Variants in XRCC5 observed in about 807,000 individuals in gnomAD.
XRCC5 encodes the protein X-ray repair cross complementing 5.
A neutral mutation model predicts 95.7 loss-of-function variants in XRCC5; 12 were observed. That is an observed-to-expected ratio of 0.13 (90% confidence interval 0.08 to 0.20). The LOEUF is 0.20. Among genes scored for constraint, XRCC5 ranks in the 10% least tolerant of loss-of-function variants. The pLI is 1.00. For missense variants in XRCC5, 595 were observed against 873.9 expected (o/e 0.68, Z 4.02); for synonymous variants, 281 against 290.3 (o/e 0.97, Z 0.33).
At chr2:216,115,090 A>T (rs1198162124) in intron 2 of XRCC5, among the ~76,000 whole-genome samples, 1 of 152,058 alleles carries the variant, frequency 6.6e-6, no homozygotes, top group Admixed American at 6.5e-5. Flanking sequence ...TTCCAAGTGT[A>T]CTCTGCTTTC....
intron 16 of XRCC5, among the ~76,000 whole-genome samples, chr2:216,183,928 C>T (rs1689439788): frequency 6.6e-6 from 1 of 151,910 alleles, no homozygotes; most frequent in Admixed American, 6.6e-5. Flanking sequence ...CATTAAAGAC[C>T]ATGCAACTAG....
At position 216,152,623 on chromosome 2, in the gene XRCC5, C is replaced by T. The variant is rs572264963; in HGVS notation, c.1670+4347C>T. On this transcript the variant is annotated intron_variant, in intron 14 of 20. Transcript: ENST00000392132. ...TCCTGCCTAAAGTGAATTCCTTTAC[C>T]TGTGCCCTGGATCCTTTTTTTTCTT... Among the ~76,000 whole-genome samples the T allele has an allele frequency of 5.5e-4, 83 of 151,452 alleles. 1 individual carries two copies. Among genetic ancestry groups the T allele is most frequent in the Middle Eastern group, 3.4e-3 (1 of 290 alleles).
intron 19 of XRCC5, among the ~76,000 whole-genome samples, chr2:216,197,818 C>CT (rs41296787): frequency 0.12 from 17,853 of 152,154 alleles, 1,213 homozygotes; most frequent in South Asian, 0.28. Flanking sequence ...ATGCCATTTC[C>CT]TTTTTTTCCC....
intron 9 of XRCC5, chr2:216,131,298 C>A: frequency 1.0e-6 from 1 of 978,866 alleles, no homozygotes; most frequent in Non-Finnish European, 1.2e-6. Context: ...GTTCAGTCTT[C>A]TTGAGCTGGT....
rs1288032864 is a variant in XRCC5 at position 216,146,991 on chromosome 2, TAAAC to T, written c.1477-1089_1477-1086del. Reference sequence around the variant, plus strand: ...ACTTGTAAGGAGGAGGGTTAGATAATAAACAAGTAAACTAAAAAATTGATAATTT... The same window carrying T: ...ACTTGTAAGGAGGAGGGTTAGATAATAAGTAAACTAAAAAATTGATAATTT... On this transcript the variant is annotated intron_variant, in intron 13 of 20. Coordinates refer to ENST00000392132, the MANE Select transcript of XRCC5 (RefSeq NM_021141.4). Among the ~76,000 whole-genome samples, 5 of 151,998 alleles carry T rather than the reference TAAAC, an allele frequency of 3.3e-5. No individual in the cohort carries two copies. In the East Asian group the frequency reaches 5.8e-4, roughly 18 times the overall value.
At chr2:216,117,133 A>G (rs1696712012) in intron 3 of XRCC5, 1 of 355,334 alleles carries the variant, frequency 2.8e-6, no homozygotes, top group South Asian at 5.6e-5. Context: ...AGCATTGACT[A>G]TATGCAGAGG....
At chr2:216,202,949 A>C (rs1689867371) in intron 19 of XRCC5, among the ~76,000 whole-genome samples, 1 of 152,170 alleles carries the variant, frequency 6.6e-6, no homozygotes, top group Admixed American at 6.5e-5. Context: ...GCAGCCTCAT[A>C]TTTCATGGTT....
chr2:216,178,013 T>C (rs1689310049), intron 16 of XRCC5, among the ~76,000 whole-genome samples: 1 of 152,152 alleles, frequency 6.6e-6, no homozygotes, highest in Admixed American at 6.5e-5. Context: ...TCTAAGGGCC[T>C]TTTTCACCAC....
chr2:216,195,436 T>A (rs1689701866), intron 19 of XRCC5, among the ~76,000 whole-genome samples: 1 of 147,974 alleles, frequency 6.8e-6, no homozygotes, highest in African/African-American at 2.5e-5. Context: ...TTTTTTTTTT[T>A]TGTTAATACT....
chr2:216,181,659 G>T (rs1040856561), intron 16 of XRCC5, among the ~76,000 whole-genome samples: 2 of 152,208 alleles, frequency 1.3e-5, no homozygotes, highest in Non-Finnish European at 2.9e-5. Context: ...TGACTCATTA[G>T]ATACTGCTGC....
intron 2 of XRCC5, among the ~76,000 whole-genome samples, chr2:216,115,104 A>G (rs939076538): frequency 6.6e-6 from 1 of 152,196 alleles, no homozygotes; most frequent in Non-Finnish European, 1.5e-5. Flanking sequence ...TGCTTTCTCC[A>G]GTAAACTCTC....
intron 19 of XRCC5, among the ~76,000 whole-genome samples, chr2:216,199,797 A>C: frequency 7.4e-6 from 1 of 134,276 alleles, no homozygotes; most frequent in South Asian, 2.5e-4. Context: ...ATTTATCCCC[A>C]TGGCATTGGG....
At chr2:216,147,133 C>T (rs1688651113) in intron 13 of XRCC5, among the ~76,000 whole-genome samples, 1 of 151,880 alleles carries the variant, frequency 6.6e-6, no homozygotes, top group Admixed American at 6.6e-5. Context: ...GGGAAGGCCT[C>T]TCTGCGGAGA....
intron 7 of XRCC5, among the ~76,000 whole-genome samples, chr2:216,126,360 C>T (rs1287803552): frequency 6.6e-6 from 1 of 152,108 alleles, no homozygotes; most frequent in Non-Finnish European, 1.5e-5. Context: ...ATTGTAGTAT[C>T]ATAGCAGAAA....
At chr2:216,145,344 G>C (rs1041116670) in intron 13 of XRCC5, among the ~76,000 whole-genome samples, 12 of 152,174 alleles carry the variant, frequency 7.9e-5, no homozygotes, top group Admixed American at 2.0e-4. Context: ...GTTTTGGAAA[G>C]AAATGCTGAA....
At chr2:216,166,511 C>G (rs1423463907) in intron 16 of XRCC5, among the ~76,000 whole-genome samples, 4 of 152,148 alleles carry the variant, frequency 2.6e-5, no homozygotes, top group Admixed American at 2.6e-4. Flanking sequence ...TATTCATAAG[C>G]ACATCATTGC....
In XRCC5 at chr2:216,150,583, T is replaced by C. The variant is rs1168747562; in HGVS notation, c.1670+2307T>C. ...CAGTGTGTTACTATACTGAATACTG[T>C]AGGCATTTGTAACAAAGAGGTATTT... On this transcript the variant is annotated intron_variant, in intron 14 of 20. Transcript: ENST00000392132. Among the ~76,000 whole-genome samples the C allele has an allele frequency of 2.0e-5, 3 of 152,214 alleles. No individual in the cohort carries two copies. The East Asian group carries it at 5.8e-4, about 29-fold the overall frequency.
intron 19 of XRCC5, among the ~76,000 whole-genome samples, chr2:216,196,531 TACACACAC>T (rs200962435): frequency 2.0e-5 from 3 of 152,058 alleles, no homozygotes; most frequent in Non-Finnish European, 4.4e-5. Flanking sequence ...TGTATGCACA[TACACACAC>T]ACATATATAT....
intron 2 of XRCC5, among the ~76,000 whole-genome samples, chr2:216,114,182 A>G (rs1696641743): frequency 6.6e-6 from 1 of 152,166 alleles, no homozygotes; most frequent in Admixed American, 6.5e-5. Flanking sequence ...ACACTATGTA[A>G]GCATCAGCTG....
Sources: allele counts gnomAD v4.1 joint callset (sites outside exome capture counted in the v4.1 genomes callset), GRCh38; gene constraint gnomAD v4.1.1; transcripts MANE v1.5; gene names NCBI Gene and HGNC (gene_info 2026-07-23, HGNC 2026-07-21).